Variants in ZNF569 observed in about 807,000 individuals in gnomAD.
ZNF569 encodes DNA-binding protein.
A neutral mutation model predicts 56.3 loss-of-function variants in ZNF569; 38 were observed. The observed-to-expected ratio is 0.68, with a 90% CI of 0.52 to 0.88. The LOEUF (loss-of-function observed/expected upper bound fraction) is 0.88, where lower values mean the gene tolerates loss of function less well. ZNF569 is among the 40% of genes least tolerant of loss of function. ZNF569 has a pLI of 0.00. For missense variants in ZNF569, 666 were observed against 809.2 expected, an observed-to-expected ratio of 0.82 and a Z score of 2.15; for synonymous variants, 241 against 262.9, an observed-to-expected ratio of 0.92 and a Z score of 0.81.
chr19:37,417,159 G>C (rs2146861778), intron 5 of ZNF569, among the ~76,000 whole-genome samples: 1 of 152,316 alleles, frequency 6.6e-6, no homozygotes, highest in South Asian at 2.1e-4. Context: ...ACCAGAAGCT[G>C]AAAGAGGCAA....
At chr19:37,433,592 C>T (rs2041259896) in intron 3 of ZNF569, among the ~76,000 whole-genome samples, 1 of 152,066 alleles carries the variant, frequency 6.6e-6, no homozygotes, top group Admixed American at 6.6e-5. Flanking sequence ...AGAAAGGATC[C>T]ATTTAAACAC....
intron 5 of ZNF569, 130 bp downstream of exon 5, chr19:37,425,738 T>C (rs2041120199): frequency 5.3e-6 from 4 of 751,544 alleles, no homozygotes; most frequent in Admixed American, 4.4e-5. Context: ...GTGCTGGGAC[T>C]ATAGGTATGA....
At chr19:37,426,166 A>G in intron 4 of ZNF569, 86 bp downstream of exon 4, 1 of 1,464,232 alleles carries the variant, frequency 6.8e-7, no homozygotes, top group East Asian at 2.3e-5. Flanking sequence ...CTAATATTTA[A>G]AAGGTCCATG....
intron 3 of ZNF569, among the ~76,000 whole-genome samples, chr19:37,441,655 CAA>C (rs111894389): frequency 7.5e-5 from 10 of 134,224 alleles, no homozygotes; most frequent in Non-Finnish European, 6.5e-5. Context: ...GACCCTGTTT[CAA>C]AAAAAAAAAA....
intron 5 of ZNF569, among the ~76,000 whole-genome samples, chr19:37,417,001 G>A (rs2040944391): frequency 6.6e-6 from 1 of 152,096 alleles, no homozygotes; most frequent in African/African-American, 2.4e-5. Context: ...AGGTCAAACT[G>A]GAATAAGAGA....
chr19:37,414,322 G>A lies in ZNF569; in HGVS notation c.336C>T (p.Gly112=), dbSNP rs760293971. 2 of 1,613,328 alleles carry A rather than the reference G, an allele frequency of 1.2e-6. No individual in the cohort carries two copies. The highest frequency in any genetic ancestry group is 2.2e-5 in the East Asian group (1 of 44,778). The change falls in exon 6 of 6, where the codon GGC becomes GGT. Residue 112 remains glycine, a synonymous_variant. Transcript: ENST00000316950. ...TTGCAAATTTCTTTTGACATTCATT[G>A]CCTTTTTCTTCAGTCAGTGTTTTCT... ...KFQKTLTEEK[G]NECQKKFANV...
At chr19:37,422,647 C>T (rs888577711) in intron 5 of ZNF569, among the ~76,000 whole-genome samples, 1 of 151,866 alleles carries the variant, frequency 6.6e-6, no homozygotes, top group African/African-American at 2.4e-5. Context: ...ATGAGATATG[C>T]CTGTATAAAT....
chr19:37,467,980 A>G, upstream of ZNF569: 2 of 1,525,100 alleles, frequency 1.3e-6, no homozygotes, highest in Non-Finnish European at 1.8e-6. Flanking sequence ...AGCGAAAAGT[A>G]GTGTGGCCAG....
chr19:37,419,965 CTTTCTT>C (rs1447267017), intron 5 of ZNF569, among the ~76,000 whole-genome samples: 2 of 109,468 alleles, frequency 1.8e-5, no homozygotes, highest in African/African-American at 8.0e-5. Context: ...TTTTTCTTTT[CTTTCTT>C]TTTTTTTTTT....
intron 5 of ZNF569, among the ~76,000 whole-genome samples, chr19:37,419,436 T>C (rs2040991613): frequency 6.6e-6 from 1 of 152,150 alleles, no homozygotes; most frequent in Non-Finnish European, 1.5e-5. Flanking sequence ...ATAAAAGTTA[T>C]GTTGGCTGGG....
intron 5 of ZNF569, 74 bp downstream of exon 5, chr19:37,425,794 G>A: frequency 8.5e-7 from 1 of 1,178,782 alleles, no homozygotes; most frequent in Non-Finnish European, 1.3e-6. Flanking sequence ...ATATTTTAGA[G>A]GGATCAACCA....
At chr19:37,436,190 T>C (rs1016713037) in intron 3 of ZNF569, among the ~76,000 whole-genome samples, 4 of 152,094 alleles carry the variant, frequency 2.6e-5, no homozygotes, top group Admixed American at 6.6e-5. Flanking sequence ...AGGAGGAATT[T>C]TGGAAACTAT....
chr19:37,467,945 T>C (rs1212310910), upstream of ZNF569: 4 of 1,536,010 alleles, frequency 2.6e-6, no homozygotes, highest in Non-Finnish European at 2.6e-6. Flanking sequence ...GACAGTGTTA[T>C]TGGATTTCAT....
At chr19:37,467,960 C>T (rs1397764411), upstream of ZNF569, 2 of 1,535,684 alleles carry the variant, frequency 1.3e-6, no homozygotes, top group Non-Finnish European at 1.7e-6. Flanking sequence ...TTTCATGACC[C>T]GGGATCGTGA....
chr19:37,468,069 G>GTT (rs1360984256), upstream of ZNF569: 1 of 668,752 alleles, frequency 1.5e-6, no homozygotes, highest in East Asian at 3.0e-5. Context: ...TATGCCTTTC[G>GTT]TGTTTTTTTT....
At position 37,413,159 on chromosome 19, in the gene ZNF569, C is replaced by T. The variant is rs750516013; in HGVS notation, c.1499G>A (p.Gly500Asp). 4 of 1,607,766 alleles carry T rather than the reference C, an allele frequency of 2.5e-6. No individual in the cohort carries two copies. Among genetic ancestry groups the T allele is most frequent in the South Asian group, 1.1e-5 (1 of 89,940 alleles). The change falls in exon 6 of 6, where the codon GGT (glycine) becomes GAT (aspartate). Residue 500 changes from glycine to aspartate, a missense_variant. By Grantham distance (94) the Gly-to-Asp change is moderately conservative. Transcript: ENST00000316950. ...GEKPYECNEC[G>D]KAFSQKQNFI... ...GTTTTGCTTTTGGCTGAAGGCTTTA[C>T]CACATTCATTGCATTCATAGGGTTT...
At chr19:37,418,676 C>A (rs1254648073) in intron 5 of ZNF569, among the ~76,000 whole-genome samples, 1 of 152,032 alleles carries the variant, frequency 6.6e-6, no homozygotes, top group Non-Finnish European at 1.5e-5. Flanking sequence ...TAAAAAATAA[C>A]AAAATTGAAT....
chr19:37,425,074 G>A (rs142906234), intron 5 of ZNF569, among the ~76,000 whole-genome samples: 3,663 of 151,904 alleles, frequency 0.024, 166 homozygotes, highest in African/African-American at 0.082. Context: ...AGCCGAGATC[G>A]CGCCACTGTA....
chr19:37,446,465 G>C (rs1397614799), intron 2 of ZNF569, among the ~76,000 whole-genome samples: 2 of 151,170 alleles, frequency 1.3e-5, no homozygotes, highest in Non-Finnish European at 2.9e-5. Context: ...CAGGAGAATG[G>C]CGTGAACCTG....
Sources: allele counts gnomAD v4.1 joint callset (sites outside exome capture counted in the v4.1 genomes callset), GRCh38; gene constraint gnomAD v4.1.1; transcripts MANE v1.5; gene names NCBI Gene and HGNC (gene_info 2026-07-23, HGNC 2026-07-21).